The following POLE2 variants were observed in gnomAD, a reference collection of about 807,000 sequenced individuals.
POLE2 encodes DNA polymerase epsilon subunit 2.
Under a neutral mutation model 79.4 loss-of-function variants are expected in POLE2, and 56 were observed. The observed-to-expected ratio is 0.71, with a 90% CI of 0.57 to 0.88. The LOEUF is 0.88. Among genes scored for constraint, POLE2 ranks in the 40% least tolerant of loss-of-function variants. The pLI is 0.00. For missense variants in POLE2, 598 were observed against 638.9 expected, an observed-to-expected ratio of 0.94 and a Z score of 0.69; for synonymous variants, 212 against 214.0, an observed-to-expected ratio of 0.99 and a Z score of 0.08.
At chr14:49,648,430 A>G (rs1487128040) in intron 17 of POLE2, among the ~76,000 whole-genome samples, 2 of 152,256 alleles carry the variant, frequency 1.3e-5, no homozygotes, top group African/African-American at 4.8e-5. Flanking sequence ...ATATTCAAAT[A>G]GAGCATTAAC....
At chr14:49,675,832 C>T (rs1037842461) in intron 3 of POLE2, among the ~76,000 whole-genome samples, 1 of 152,178 alleles carries the variant, frequency 6.6e-6, no homozygotes, top group African/African-American at 2.4e-5. Flanking sequence ...CAGCTCACTG[C>T]AACCTCTGCC....
chr14:49,683,349 C>T (rs186656254), intron 2 of POLE2, among the ~76,000 whole-genome samples: 51 of 151,750 alleles, frequency 3.4e-4, no homozygotes, highest in African/African-American at 1.1e-3. Flanking sequence ...TTGCAGTGAG[C>T]CAAGATAGCG....
At chr14:49,671,252 G>A (rs986997671) in intron 5 of POLE2, among the ~76,000 whole-genome samples, 1 of 152,130 alleles carries the variant, frequency 6.6e-6, no homozygotes, top group Non-Finnish European at 1.5e-5. Flanking sequence ...GATAAACAAC[G>A]AATCCACAGT....
At chr14:49,678,978 GT>G (rs552499266) in intron 3 of POLE2, among the ~76,000 whole-genome samples, 3 of 152,000 alleles carry the variant, frequency 2.0e-5, no homozygotes, top group South Asian at 4.1e-4. Context: ...TTTTAAATGA[GT>G]TTGCAAGGGT....
In POLE2 at chr14:49,682,640, GAAA is replaced by G. The variant is rs35984833; in HGVS notation, c.169+950_169+952del. On this transcript the variant is annotated intron_variant, in intron 2 of 18. Transcript: ENST00000216367. Reference sequence around the variant, plus strand: ...CGACAGTGCAAGACTCCTTCTCAGGGAAAAAAAAAAAAAAAAAAAAAAAAAAGT... The same window carrying G: ...CGACAGTGCAAGACTCCTTCTCAGGGAAAAAAAAAAAAAAAAAAAAAAAGT... Among the ~76,000 whole-genome samples the G allele has an allele frequency of 8.0e-4, 49 of 60,968 alleles. 1 individual carries two copies. Among genetic ancestry groups the G allele is most frequent in the African/African-American group, 2.8e-3 (48 of 17,422 alleles). The allele number at this position is 60,968 out of a possible 152,430, so 40.0% of individuals were successfully genotyped here.
rs767820176 is a variant in POLE2 at position 49,655,685 on chromosome 14, C to G, written c.914G>C (p.Arg305Pro). 6.2e-7 allele frequency: 1 copy of G among 1,606,462 alleles called. No individual in the cohort carries two copies. Among genetic ancestry groups the G allele is most frequent in the Non-Finnish European group, 8.5e-7 (1 of 1,177,522 alleles). ...ATAAGACCTACCAGCAAACATTATG[C>G]GAAGTTTTTCCAATACTTCCACCTG... is the stretch of plus-strand genomic sequence containing the variant. The part of the protein sequence containing the change: ...LDQVEVLEKL[R>P]IMFAGYSPAP... The change falls in exon 11 of 19, where the codon CGC becomes CCC. Residue 305 changes from arginine (R) to proline (P), a missense_variant. Physicochemically the swap from Arg to Pro is moderately radical, Grantham distance 103 (BLOSUM62 -2). Coordinates refer to ENST00000216367, the MANE Select transcript of POLE2 (RefSeq NM_002692.4).
chr14:49,645,996 G>A (rs1240519442), intron 18 of POLE2, among the ~76,000 whole-genome samples: 4 of 152,122 alleles, frequency 2.6e-5, no homozygotes, highest in African/African-American at 7.2e-5. Context: ...TTCTAACAGT[G>A]GATAAGACTG....
chr14:49,679,894 T>G, intron 2 of POLE2, 94 bp from the exon 3 acceptor site: 2 of 692,666 alleles, frequency 2.9e-6, no homozygotes, highest in Non-Finnish European at 5.2e-6. Flanking sequence ...TTTGCAAATA[T>G]TAATACTGAG....
At chr14:49,672,052 C>T (rs567072936) in intron 5 of POLE2, among the ~76,000 whole-genome samples, 8 of 152,246 alleles carry the variant, frequency 5.3e-5, no homozygotes, top group East Asian at 3.9e-4. Flanking sequence ...CAAAATAGGA[C>T]GGTTTCAACA....
chr14:49,687,846 C>T (rs1329599429), intron 1 of POLE2, among the ~76,000 whole-genome samples: 5 of 152,026 alleles, frequency 3.3e-5, no homozygotes, highest in Non-Finnish European at 7.4e-5. Flanking sequence ...ACTACAAGCG[C>T]GCGCCACCAC....
intron 10 of POLE2, among the ~76,000 whole-genome samples, chr14:49,660,977 T>C (rs1885060825): frequency 6.6e-6 from 1 of 152,150 alleles, no homozygotes; most frequent in South Asian, 2.1e-4. Flanking sequence ...TCACCCAGGG[T>C]GGAGTGCAGT....
At chr14:49,658,571 TACTAC>T (rs1884879916) in intron 10 of POLE2, among the ~76,000 whole-genome samples, 1 of 152,230 alleles carries the variant, frequency 6.6e-6, no homozygotes, top group Admixed American at 6.5e-5. Flanking sequence ...AATGAGGATC[TACTAC>T]ATATGGACTG....
intron 4 of POLE2, 57 bp from the exon 5 acceptor site, chr14:49,674,273 G>A (rs1886094944): frequency 6.8e-7 from 1 of 1,462,204 alleles, no homozygotes. Context: ...TGAGCCAAAA[G>A]TGAAGCAAGA....
intron 1 of POLE2, among the ~76,000 whole-genome samples, chr14:49,687,927 T>C (rs1416060630): frequency 6.6e-6 from 1 of 152,136 alleles, no homozygotes; most frequent in Non-Finnish European, 1.5e-5. Flanking sequence ...CTCGATCTCC[T>C]GACCTCGTGA....
intron 15 of POLE2, among the ~76,000 whole-genome samples, chr14:49,653,412 C>T (rs1335117953): frequency 6.6e-6 from 1 of 152,098 alleles, no homozygotes; most frequent in African/African-American, 2.4e-5. Context: ...CCTTTGTAAC[C>T]TTTCTTAAAG....
chr14:49,666,304 TAA>T, intron 7 of POLE2, 24 bp downstream of exon 7: 2 of 1,221,066 alleles, frequency 1.6e-6, no homozygotes, highest in Non-Finnish European at 1.2e-6. Context: ...AGGCCAAAAA[TAA>T]AAGTTTGATG....
chr14:49,674,440 C>T lies in POLE2; in HGVS notation c.246-13G>A. 1.3e-6 allele frequency: 2 copies of T among 1,536,404 alleles called. No homozygotes were observed. Among genetic ancestry groups the T allele is most frequent in the Non-Finnish European group, 1.8e-6 (2 of 1,111,744 alleles). On this transcript the variant is annotated splice_polypyrimidine_tract_variant and intron_variant, in intron 3 of 18. Transcript: ENST00000216367. ...GAAAACGTGCTCTCTGAAAAACATC[C>T]CACAAAATACAGACCTGATTTACTA...
intron 1 of POLE2, among the ~76,000 whole-genome samples, chr14:49,685,544 C>T (rs1227530185): frequency 6.6e-6 from 1 of 152,146 alleles, no homozygotes; most frequent in Non-Finnish European, 1.5e-5. Flanking sequence ...CTGGCACTCT[C>T]CTGCTTTAGG....
chr14:49,670,089 G>A (rs973494346), intron 5 of POLE2, among the ~76,000 whole-genome samples: 1 of 152,046 alleles, frequency 6.6e-6, no homozygotes, highest in Non-Finnish European at 1.5e-5. Flanking sequence ...GTCGAGGAGG[G>A]CGGATCACCT....
Sources: allele counts gnomAD v4.1 joint callset (sites outside exome capture counted in the v4.1 genomes callset), GRCh38; gene constraint gnomAD v4.1.1; transcripts MANE v1.5; gene names NCBI Gene and HGNC (gene_info 2026-07-23, HGNC 2026-07-21).